NKAIN3: variants seen among roughly 807,000 people sequenced by gnomAD.
NKAIN3 encodes sodium/potassium-transporting ATPase subunit beta-1-interacting protein 3.
NKAIN3 carries 25 observed loss-of-function variants against 30.2 expected under a neutral mutation model. That is an observed-to-expected ratio of 0.83 (90% CI 0.60 to 1.16). The LOEUF (loss-of-function observed/expected upper bound fraction) is 1.16, where lower values mean the gene tolerates loss of function less well. Among genes scored for constraint, NKAIN3 ranks in the 50% most tolerant of loss-of-function variants. The pLI is 0.00. For missense variants in NKAIN3, 225 were observed against 254.1 expected (o/e 0.89, Z 0.78); for synonymous variants, 91 against 89.6 (o/e 1.02, Z -0.09).
At chr8:62,670,879 GCACACACA>G (rs57917158) in intron 3 of NKAIN3, among the ~76,000 whole-genome samples, 3,835 of 142,028 alleles carry the variant, frequency 0.027, 117 homozygotes, top group African/African-American at 0.078. Context: ...ACACATACAA[GCACACACA>G]CACACACACA....
chr8:62,524,225 A>AAT (rs5891861), intron 1 of NKAIN3, among the ~76,000 whole-genome samples: 40,301 of 148,134 alleles, frequency 0.27, 5,570 homozygotes, highest in South Asian at 0.35. Context: ...CCCCCACCAA[A>AAT]ATATATATAT....
chr8:62,378,379 C>T (rs369487925), intron 1 of NKAIN3, among the ~76,000 whole-genome samples: 164 of 152,266 alleles, frequency 1.1e-3, no homozygotes, highest in African/African-American at 3.9e-3. Context: ...GAAATTCAAG[C>T]CAGCTGCAGA....
chr8:62,333,240 T>C (rs1434143401), intron 1 of NKAIN3, among the ~76,000 whole-genome samples: 3 of 152,114 alleles, frequency 2.0e-5, no homozygotes, highest in Non-Finnish European at 4.4e-5. Context: ...ATTTTGAATT[T>C]GTGGTTCATT....
At chr8:62,326,852 T>C (rs1049098522) in intron 1 of NKAIN3, among the ~76,000 whole-genome samples, 1 of 151,988 alleles carries the variant, frequency 6.6e-6, no homozygotes, top group African/African-American at 2.4e-5. Flanking sequence ...TAATTCTATG[T>C]TTATTTCTTT....
Position 62,853,397 on chromosome 8 carries a change from A to G in NKAIN3, c.472-65056A>G, listed in dbSNP as rs187239778. On this transcript the variant is annotated intron_variant, in intron 4 of 6. Transcript: ENST00000623646. Reference sequence around the variant, plus strand: ...GAATACAGCACACTGATGGATCTTGACTCTTTATCCAATTTGCCAGTCTGT... The same window carrying G: ...GAATACAGCACACTGATGGATCTTGGCTCTTTATCCAATTTGCCAGTCTGT... 1.0e-3 allele frequency among the ~76,000 whole-genome samples: 152 copies of G among 151,996 alleles called. 1 individual carries two copies. The highest frequency in any genetic ancestry group is 3.6e-3 in the African/African-American group (148 of 41,434).
intron 3 of NKAIN3, among the ~76,000 whole-genome samples, chr8:62,646,447 G>A (rs924877526): frequency 6.6e-6 from 1 of 152,102 alleles, no homozygotes. Context: ...AAGAGAACTA[G>A]TGCAGAAGAT....
intron 1 of NKAIN3, among the ~76,000 whole-genome samples, chr8:62,514,657 A>G (rs961503472): frequency 2.0e-5 from 3 of 152,158 alleles, no homozygotes; most frequent in Admixed American, 6.5e-5. Flanking sequence ...TGAGTTAGTC[A>G]TGGCAAAGTG....
chr8:62,672,537 G>T (rs565344714), intron 3 of NKAIN3, among the ~76,000 whole-genome samples: 2 of 152,248 alleles, frequency 1.3e-5, no homozygotes, highest in South Asian at 4.2e-4. Flanking sequence ...ACCAAAAGAG[G>T]CATGGTTAGT....
chr8:62,454,264 C>T (rs1446229356), intron 1 of NKAIN3, among the ~76,000 whole-genome samples: 1 of 110,046 alleles, frequency 9.1e-6, no homozygotes, highest in Non-Finnish European at 1.8e-5. Context: ...TCTTGGGCCA[C>T]ACATAAAATA....
At chr8:62,502,198 T>C (rs1209325855) in intron 1 of NKAIN3, among the ~76,000 whole-genome samples, 2 of 152,168 alleles carry the variant, frequency 1.3e-5, no homozygotes, top group Non-Finnish European at 2.9e-5. Context: ...CAAGCCCTCC[T>C]ATTGACATAT....
At chr8:62,948,008 C>A (rs2130890819) in intron 5 of NKAIN3, among the ~76,000 whole-genome samples, 1 of 152,272 alleles carries the variant, frequency 6.6e-6, no homozygotes, top group East Asian at 1.9e-4. Context: ...TGCTATATAG[C>A]AATAGATAAC....
At chr8:62,855,267 C>A in intron 4 of NKAIN3, 1 of 473,886 alleles carries the variant, frequency 2.1e-6, no homozygotes, top group Non-Finnish European at 4.0e-6. Context: ...CCAGCCTGGC[C>A]ACAGTGTGGA....
intron 1 of NKAIN3, among the ~76,000 whole-genome samples, chr8:62,438,859 G>A (rs1240388253): frequency 6.6e-6 from 1 of 152,134 alleles, no homozygotes; most frequent in Non-Finnish European, 1.5e-5. Flanking sequence ...CACTGAGCCT[G>A]GCCAGGAACA....
chr8:62,526,139 A>G (rs541036972), intron 1 of NKAIN3, among the ~76,000 whole-genome samples: 1 of 152,174 alleles, frequency 6.6e-6, no homozygotes, highest in Non-Finnish European at 1.5e-5. Context: ...GGAATGAGAG[A>G]AGGGCTGAAG....
chr8:62,987,642 A>T (rs992452987), downstream of NKAIN3, among the ~76,000 whole-genome samples: 1 of 152,050 alleles, frequency 6.6e-6, no homozygotes, highest in Non-Finnish European at 1.5e-5. Flanking sequence ...CCTCCCCCCC[A>T]TGATTCAATA....
intron 5 of NKAIN3, among the ~76,000 whole-genome samples, chr8:62,994,651 C>A (rs1804060894): frequency 6.6e-6 from 1 of 152,198 alleles, no homozygotes; most frequent in South Asian, 2.1e-4. Flanking sequence ...CTCATTTTAA[C>A]TGGAACATTC....
chr8:62,709,937 T>C (rs1195730787), intron 3 of NKAIN3, among the ~76,000 whole-genome samples: 1 of 152,144 alleles, frequency 6.6e-6, no homozygotes, highest in African/African-American at 2.4e-5. Flanking sequence ...TGTTGTTCAG[T>C]TGGAAGAATT....
At chr8:62,571,418 G>T (rs1157123287) in intron 1 of NKAIN3, among the ~76,000 whole-genome samples, 1 of 152,106 alleles carries the variant, frequency 6.6e-6, no homozygotes, top group East Asian at 1.9e-4. Flanking sequence ...CTCCCTCCCA[G>T]CTGCTTTCGT....
Position 62,856,154 on chromosome 8 carries a change from GACC to G in NKAIN3, c.472-62298_472-62296del. ...TAATCTGAGACTCCCATAGATCTCA[GACC>G]TCTTGGTATCACTAGGCAGAAGCAA... On this transcript the variant is annotated intron_variant, in intron 4 of 6. Transcript: ENST00000623646. The G allele has an allele frequency of 4.1e-6, 3 of 735,450 alleles. No individual in the cohort carries two copies. The East Asian group carries it at 7.4e-5, about 18-fold the overall frequency. 45.6% of individuals were successfully genotyped at this position (735,450 alleles called of 1,614,324 possible).
Sources: allele counts gnomAD v4.1 joint callset (sites outside exome capture counted in the v4.1 genomes callset), GRCh38; gene constraint gnomAD v4.1.1; transcripts MANE v1.5; gene names NCBI Gene and HGNC (gene_info 2026-07-23, HGNC 2026-07-21).